Variants in MED13 observed in about 807,000 individuals in gnomAD.
MED13 encodes the protein mediator complex subunit 13.
A neutral mutation model predicts 225.2 loss-of-function variants in MED13; 23 were observed. That is an observed-to-expected ratio of 0.10 (90% confidence interval 0.07 to 0.14). The LOEUF (loss-of-function observed/expected upper bound fraction) is 0.14. Among genes scored for constraint, MED13 ranks in the 10% least tolerant of loss-of-function variants. MED13 has a pLI of 1.00. For missense variants in MED13, 2,197 were observed against 2,594.5 expected (o/e 0.85, Z 3.33); for synonymous variants, 942 against 889.2 (o/e 1.06, Z -1.06).
At chr17:61,983,813 C>A (rs2080225496) in intron 15 of MED13, among the ~76,000 whole-genome samples, 1 of 151,566 alleles carries the variant, frequency 6.6e-6, no homozygotes, top group South Asian at 2.1e-4. Flanking sequence ...CCTGCAATGC[C>A]TGACTCCCAG....
Position 62,014,310 on chromosome 17 carries a change from T to TTATATATATATATA in MED13, c.1284-3091_1284-3078dup, listed in dbSNP as rs79817498. ...ATGATGGGAAGTTCTGTATATGTTT[T>TTATATATATATATA]TATATATATATATATATATATTTTG... On this transcript the variant is annotated intron_variant, in intron 8 of 29. Coordinates refer to ENST00000397786, the MANE Select transcript of MED13 (RefSeq NM_005121.3). Among the ~76,000 whole-genome samples the TTATATATATATATA allele has an allele frequency of 2.2e-3, 319 of 143,106 alleles. 1 individual carries two copies. The highest frequency in any genetic ancestry group is 8.1e-3 in the African/African-American group (301 of 37,194). 93.9% of individuals were successfully genotyped at this position (143,106 alleles called of 152,430 possible). A position where few individuals can be genotyped will look rare whatever the true frequency, so the allele number is the denominator to read the frequency against.
At position 61,961,599 on chromosome 17, in the gene MED13, T is replaced by C. The variant is rs1440544611; in HGVS notation, c.5245A>G (p.Arg1749Gly). 6.2e-7 allele frequency: 1 copy of C among 1,611,402 alleles called. No individual in the cohort carries two copies. ...GPGLAMETALRSPDRPECIRL... is the reference protein window; with the variant it reads ...GPGLAMETALGSPDRPECIRL... ...AAACATATACTTACATCAGGACTTC[T>C]AAGGGCAGTTTCCATGGCTAAACCT... The change falls in exon 22 of 30, where the codon AGA (arginine) becomes GGA (glycine). Residue 1749 changes from arginine (R) to glycine (G), a missense_variant. Physicochemically the swap from Arg to Gly is moderately radical, Grantham distance 125. This residue lies in a region of MED13 where 457 missense variants were observed against 442.2 expected (regional missense o/e 1.03). Transcript: ENST00000397786.
At chr17:62,028,762 G>A (rs964974240) in intron 8 of MED13, among the ~76,000 whole-genome samples, 7 of 151,542 alleles carry the variant, frequency 4.6e-5, no homozygotes, top group East Asian at 3.9e-4. Flanking sequence ...GGAGAATGGC[G>A]TGAACCCGGG....
chr17:62,016,448 G>T (rs2080582382), intron 8 of MED13, among the ~76,000 whole-genome samples: 1 of 151,998 alleles, frequency 6.6e-6, no homozygotes, highest in South Asian at 2.1e-4. Flanking sequence ...TCTTAATATT[G>T]AATAGAAATT....
At position 61,943,262 on chromosome 17, in the gene MED13, T is replaced by C. The variant is rs1056696898; in HGVS notation, c.*3206A>G. ...ATGCAACATTAAGTGTATTAACTGATTGATATGCAATGCCATAGTGGATGA... is the reference window on the plus strand; with the variant it reads ...ATGCAACATTAAGTGTATTAACTGACTGATATGCAATGCCATAGTGGATGA... On this transcript the variant is annotated 3_prime_UTR_variant, in exon 30 of 30. Transcript: ENST00000397786. 12 of 152,672 alleles carry C rather than the reference T, an allele frequency of 7.9e-5. No homozygotes were observed. The highest frequency in any genetic ancestry group is 2.6e-4 in the African/African-American group (11 of 41,574). The allele number at this position is 152,672 out of a possible 1,614,324, so 9.5% of individuals were successfully genotyped here. A position where few individuals can be genotyped will look rare whatever the true frequency, so the allele number is the denominator to read the frequency against.
At chr17:62,041,485 T>C (rs990002643) in intron 3 of MED13, among the ~76,000 whole-genome samples, 1 of 152,242 alleles carries the variant, frequency 6.6e-6, no homozygotes, top group South Asian at 2.1e-4. Flanking sequence ...TGGTTAACAA[T>C]GTGAATGTAC....
Position 61,987,024 on chromosome 17 carries a change from C to T in MED13, c.2368G>A (p.Asp790Asn). ...YTDLDNLFNS[D>N]EDELTPGSKK... ...ATACTCACTGTTAGTTCATCTTCAT[C>T]AGAATTGAAGAGATTATCAAGGTCA... The change falls in exon 12 of 30, where the codon GAT becomes AAT. Residue 790 changes from aspartate to asparagine, a missense_variant. By Grantham distance (23) the Asp-to-Asn change is conservative (BLOSUM62 1). Coordinates refer to ENST00000397786, the MANE Select transcript of MED13 (RefSeq NM_005121.3). The T allele has an allele frequency of 6.4e-7, 1 of 1,570,860 alleles. No individual in the cohort carries two copies.
chr17:61,993,082 A>G (rs1460579787), intron 10 of MED13, among the ~76,000 whole-genome samples: 1 of 151,656 alleles, frequency 6.6e-6, no homozygotes, highest in African/African-American at 2.4e-5. Context: ...TGTTTATCTT[A>G]TAGACAAAAG....
chr17:62,022,174 A>AAT (rs35902303), intron 8 of MED13, among the ~76,000 whole-genome samples: 28,514 of 140,812 alleles, frequency 0.2, 3,202 homozygotes, highest in Middle Eastern at 0.36. Flanking sequence ...TCAAAAAAAA[A>AAT]ATATATATAT....
At chr17:62,048,081 T>C (rs2080918380) in intron 3 of MED13, among the ~76,000 whole-genome samples, 1 of 147,190 alleles carries the variant, frequency 6.8e-6, no homozygotes, top group Non-Finnish European at 1.5e-5. Flanking sequence ...TGTATATATA[T>C]ATCCCTGAAG....
chr17:61,983,516 C>T (rs1603396969), intron 15 of MED13, among the ~76,000 whole-genome samples: 1 of 152,062 alleles, frequency 6.6e-6, no homozygotes, highest in African/African-American at 2.4e-5. Context: ...TTTTAAAATG[C>T]TACCACTTAT....
chr17:61,952,184 C>A (rs1214075855), intron 27 of MED13, among the ~76,000 whole-genome samples: 3 of 152,046 alleles, frequency 2.0e-5, no homozygotes, highest in Admixed American at 2.0e-4. Flanking sequence ...TGAGCCACCG[C>A]GCCCAGCCCA....
intron 2 of MED13, among the ~76,000 whole-genome samples, chr17:62,057,180 C>A (rs1378647452): frequency 6.6e-6 from 1 of 151,944 alleles, no homozygotes; most frequent in African/African-American, 2.4e-5. Context: ...AATAATGGCT[C>A]AAAAATTAAC....
intron 17 of MED13, among the ~76,000 whole-genome samples, chr17:61,972,018 TGA>T (rs1219750838): frequency 1.3e-5 from 2 of 152,186 alleles, no homozygotes; most frequent in Non-Finnish European, 2.9e-5. Context: ...AGTTTTGTAA[TGA>T]GATTTAAATT....
intron 6 of MED13, chr17:62,030,257 G>A (rs2080742049): frequency 2.7e-6 from 1 of 367,942 alleles, no homozygotes; most frequent in African/African-American, 2.1e-5. Context: ...GAGCCAGGCA[G>A]GGCCAGCACA....
chr17:61,972,966 C>G (rs1268011380), intron 16 of MED13, 78 bp from the exon 17 acceptor site: 1 of 1,252,078 alleles, frequency 8.0e-7, no homozygotes. Flanking sequence ...TAATACAAAA[C>G]ACATATAGGG....
chr17:62,052,440 T>C, intron 3 of MED13, 97 bp downstream of exon 3: 8 of 900,686 alleles, frequency 8.9e-6, no homozygotes, highest in Admixed American at 6.7e-5. Flanking sequence ...CTCTGGAATA[T>C]GTCTGTATAT....
At chr17:61,970,161 T>C (rs972741327) in intron 17 of MED13, among the ~76,000 whole-genome samples, 1 of 152,226 alleles carries the variant, frequency 6.6e-6, no homozygotes, top group African/African-American at 2.4e-5. Flanking sequence ...ATTATTAACT[T>C]CATTTTAGAG....
chr17:62,005,688 T>C (rs1289755284), intron 9 of MED13: 5 of 152,212 alleles, frequency 3.3e-5, no homozygotes, highest in African/African-American at 4.8e-5. Flanking sequence ...GCACAGGACT[T>C]ATCTGCTAAA....
Sources: allele counts gnomAD v4.1 joint callset (sites outside exome capture counted in the v4.1 genomes callset), GRCh38; gene constraint gnomAD v4.1.1; regional missense constraint gnomAD v4.1.1; transcripts MANE v1.5; gene names NCBI Gene and HGNC (gene_info 2026-07-23, HGNC 2026-07-21).